DSCAML1: variants seen among roughly 807,000 people sequenced by gnomAD.
DSCAML1 encodes cell adhesion molecule DSCAML1.
In DSCAML1, 38 loss-of-function variants were observed where a neutral mutation model predicts 200.5. That is an observed-to-expected ratio of 0.19 (90% confidence interval 0.15 to 0.25). DSCAML1 has a LOEUF of 0.25. Ranked by LOEUF, DSCAML1 falls within the 10% of genes least tolerant of loss-of-function variation. DSCAML1 has a pLI of 1.00. For synonymous variants in DSCAML1, 1,215 were observed against 1,165.0 expected (o/e 1.04, Z -0.87); for missense variants, 2,223 against 2,858.8 (o/e 0.78, Z 5.07).
At chr11:117,521,017 G>A (rs1406615044) in intron 6 of DSCAML1, 113 bp downstream of exon 6, 5 of 1,400,446 alleles carry the variant, frequency 3.6e-6, no homozygotes, top group African/African-American at 1.4e-5. Flanking sequence ...CCGGCCTGGT[G>A]TGTAGTGAGC....
chr11:117,659,510 C>T (rs1400181931), intron 3 of DSCAML1, among the ~76,000 whole-genome samples: 3 of 152,194 alleles, frequency 2.0e-5, no homozygotes, highest in Non-Finnish European at 4.4e-5. Context: ...CTTGGCTGAT[C>T]TAGACCTTGC....
At chr11:117,538,686 G>A (rs997210256) in intron 3 of DSCAML1, among the ~76,000 whole-genome samples, 5 of 152,138 alleles carry the variant, frequency 3.3e-5, no homozygotes, top group Non-Finnish European at 7.4e-5. Flanking sequence ...AGAAACCTCT[G>A]GGTTTCTGGC....
intron 3 of DSCAML1, among the ~76,000 whole-genome samples, chr11:117,635,047 C>T (rs967520750): frequency 1.3e-5 from 2 of 152,214 alleles, no homozygotes; most frequent in Non-Finnish European, 2.9e-5. Context: ...CATGATAGGT[C>T]GCACAACAGT....
chr11:117,706,089 A>G (rs1398736646), intron 3 of DSCAML1, among the ~76,000 whole-genome samples: 1 of 152,110 alleles, frequency 6.6e-6, no homozygotes, highest in Non-Finnish European at 1.5e-5. Flanking sequence ...GAAGGAGCAC[A>G]GGGAATAAAG....
At chr11:117,797,650 T>G (rs1210288051), upstream of DSCAML1, among the ~76,000 whole-genome samples, 3 of 138,370 alleles carry the variant, frequency 2.2e-5, no homozygotes, top group Non-Finnish European at 4.6e-5. Flanking sequence ...GGCTTTTCAG[T>G]GCTGTCTGGT....
At chr11:117,465,881 A>G (rs990073672) in intron 16 of DSCAML1, among the ~76,000 whole-genome samples, 2 of 152,222 alleles carry the variant, frequency 1.3e-5, no homozygotes, top group African/African-American at 4.8e-5. Context: ...TAGTTTGAAT[A>G]AAAAGAAAGA....
At chr11:117,566,446 C>T (rs1021283633) in intron 3 of DSCAML1, among the ~76,000 whole-genome samples, 1 of 151,486 alleles carries the variant, frequency 6.6e-6, no homozygotes, top group Admixed American at 6.6e-5. Flanking sequence ...TTCCTGGGCT[C>T]AGGCGATCCT....
intron 3 of DSCAML1, among the ~76,000 whole-genome samples, chr11:117,566,560 T>G (rs1310223420): frequency 1.3e-5 from 2 of 151,870 alleles, no homozygotes; most frequent in South Asian, 2.1e-4. Context: ...TTGGTTTTTT[T>G]TTTGTTTGTT....
intron 24 of DSCAML1, 32 bp downstream of exon 24, chr11:117,438,853 C>T: frequency 6.7e-7 from 1 of 1,501,210 alleles, no homozygotes; most frequent in Non-Finnish European, 8.8e-7. Context: ...ATTCCTTCCC[C>T]TATCTTCCCC....
chr11:117,484,775 T>G (rs2049003704), intron 11 of DSCAML1, among the ~76,000 whole-genome samples: 1 of 152,176 alleles, frequency 6.6e-6, no homozygotes, highest in South Asian at 2.1e-4. Flanking sequence ...GGGAGGCTCG[T>G]AAGCGGACTG....
chr11:117,654,578 T>A (rs2052696535), intron 3 of DSCAML1, among the ~76,000 whole-genome samples: 2 of 152,132 alleles, frequency 1.3e-5, no homozygotes, highest in African/African-American at 4.8e-5. Context: ...AGAAGGTACA[T>A]GAGCACATGG....
chr11:117,473,110 A>T (rs990097362), intron 14 of DSCAML1, among the ~76,000 whole-genome samples: 5 of 152,248 alleles, frequency 3.3e-5, no homozygotes, highest in South Asian at 2.1e-4. Flanking sequence ...CATAGAAAAG[A>T]TTAAGTTGTA....
chr11:117,482,029 A>C lies in DSCAML1; in HGVS notation c.2493T>G (p.Pro831=). ...CGATGGCATACCGCATGACGCGGTC[A>C]GGGTCGATGACTGTGTCCCCCTTCT... ...RWEKGDTVID[P]DRVMRYAIAT... Residue 831 remains proline, a synonymous_variant, in exon 12 of 33, where the codon CCT becomes CCG. Transcript: ENST00000651296. 3 of 1,614,196 alleles carry C rather than the reference A, an allele frequency of 1.9e-6. No individual in the cohort carries two copies. Among genetic ancestry groups the C allele is most frequent in the Non-Finnish European group, 2.5e-6 (3 of 1,180,014 alleles).
chr11:117,436,505 C>G (rs538140779), intron 26 of DSCAML1, among the ~76,000 whole-genome samples: 2 of 148,882 alleles, frequency 1.3e-5, no homozygotes, highest in East Asian at 3.9e-4. Flanking sequence ...TTCCATGTCC[C>G]TTCAATGGAT....
chr11:117,726,789 C>G (rs143130583), intron 3 of DSCAML1, among the ~76,000 whole-genome samples: 49 of 152,204 alleles, frequency 3.2e-4, no homozygotes, highest in African/African-American at 1.2e-3. Flanking sequence ...TGGAGAGGTG[C>G]TTTGGTAGTG....
chr11:117,506,980 G>A (rs989300697), intron 8 of DSCAML1, among the ~76,000 whole-genome samples: 5 of 152,132 alleles, frequency 3.3e-5, no homozygotes, highest in Admixed American at 6.5e-5. Flanking sequence ...CCTTCCTCCC[G>A]CTAGAAATGC....
At position 117,492,301 on chromosome 11, in the gene DSCAML1, T is replaced by G. The variant is rs752099851; in HGVS notation, c.2360-10139A>C. On this transcript the variant is annotated intron_variant, in intron 11 of 32. Coordinates refer to ENST00000651296, the MANE Select transcript of DSCAML1 (RefSeq NM_020693.4). ...GAAGGGACTTGACTTTGTCAGAAAG[T>G]CCTCCTGAAAGTCTAACTGAAATCT... Among the ~76,000 whole-genome samples, 8 of 152,126 alleles carry G rather than the reference T, an allele frequency of 5.3e-5. 1 individual carries two copies. Among genetic ancestry groups the G allele is most frequent in the Non-Finnish European group, 1.2e-4 (8 of 68,002 alleles).
chr11:117,789,719 A>G (rs1487091277), intron 1 of DSCAML1, among the ~76,000 whole-genome samples: 2 of 152,140 alleles, frequency 1.3e-5, no homozygotes, highest in African/African-American at 4.8e-5. Context: ...CAGGGCTGTC[A>G]AGTGGAAGAG....
rs2049882533 is a variant in DSCAML1 at position 117,521,289 on chromosome 11, T to A, written c.1054A>T (p.Thr352Ser). 1 of 1,614,050 alleles carries A rather than the reference T, an allele frequency of 6.2e-7. No individual in the cohort carries two copies. Among genetic ancestry groups the A allele is most frequent in the African/African-American group, 1.3e-5 (1 of 74,932 alleles). ...GCCTCGTCAGGCAGCACCAGCTCCGTGTTGCGATACCAGCGGATGGTGAAC... is the reference window on the plus strand; with the variant it reads ...GCCTCGTCAGGCAGCACCAGCTCCGAGTTGCGATACCAGCGGATGGTGAAC... Reference protein sequence around the residue: ...PEFTIRWYRNTELVLPDEAIS... With the variant: ...PEFTIRWYRNSELVLPDEAIS... Residue 352 changes from threonine to serine, a missense_variant, in exon 6 of 33, where the codon ACG (threonine) becomes TCG (serine). By Grantham distance (58) the Thr-to-Ser change is moderately conservative. Transcript: ENST00000651296.
Sources: allele counts gnomAD v4.1 joint callset (sites outside exome capture counted in the v4.1 genomes callset), GRCh38; gene constraint gnomAD v4.1.1; transcripts MANE v1.5; gene names NCBI Gene and HGNC (gene_info 2026-07-23, HGNC 2026-07-21).